Variants in ALDOC observed in about 807,000 individuals in gnomAD.
ALDOC encodes the protein fructose-bisphosphate aldolase C.
In ALDOC, 23 loss-of-function variants were observed where a neutral mutation model predicts 39.5. The observed-to-expected ratio is 0.58, with a 90% CI of 0.42 to 0.82. ALDOC has a LOEUF of 0.82. Among genes scored for constraint, ALDOC ranks in the 40% least tolerant of loss-of-function variants. The pLI is 0.00. For missense variants in ALDOC, 356 were observed against 479.1 expected (o/e 0.74, Z 2.40); for synonymous variants, 160 against 182.6 (o/e 0.88, Z 1.00).
Position 28,575,805 on chromosome 17 carries a change from G to T in ALDOC, c.-12-261C>A. ...CAGGGTGGGGGTGGGGAGGTGAGCA[G>T]CCCTGAAGCCACAGCTCTTCTGATA... On this transcript the variant is annotated intron_variant, in intron 1 of 8. Coordinates refer to ENST00000226253, the MANE Select transcript of ALDOC (RefSeq NM_005165.3). The surrounding 1 kb of genome is among the most constrained non-coding windows in gnomAD (Gnocchi z 4.3). The T allele has an allele frequency of 1.7e-6, 1 of 577,786 alleles. No homozygotes were observed. 35.8% of individuals were successfully genotyped at this position (577,786 alleles called of 1,614,324 possible).
In ALDOC at chr17:28,573,829, T is replaced by C; in HGVS notation, c.905A>G (p.Tyr302Cys). ...LPRPWALTFS[Y>C]GRALQASALN... ...TGCAGAGGCTTGCAGGGCACGCCCA[T>C]AGGAGAAGGTAAGCGCCCAGGGTCG... The change falls in exon 8 of 9, where the codon TAT becomes TGT. Residue 302 changes from tyrosine (Y) to cysteine (C), a missense_variant. Coordinates refer to ENST00000226253, the MANE Select transcript of ALDOC (RefSeq NM_005165.3). The surrounding 1 kb of genome is among the most constrained non-coding windows in gnomAD (Gnocchi z 4.3). 2 of 1,614,160 alleles carry C rather than the reference T, an allele frequency of 1.2e-6. No individual in the cohort carries two copies. The highest frequency in any genetic ancestry group is 1.7e-6 in the Non-Finnish European group (2 of 1,180,022).
Position 28,573,974 on chromosome 17 carries a change from C to T in ALDOC, c.800-40G>A. ...AGAAGACAAACTGACTGGTCACTCC[C>T]AATTTTTCCAGGATAGGGAACCCCT... On this transcript the variant is annotated intron_variant, in intron 7 of 8. Coordinates refer to ENST00000226253, the MANE Select transcript of ALDOC (RefSeq NM_005165.3). This position sits in a 1 kb window ranked among gnomAD's most constrained non-coding sequence, Gnocchi z 4.3. The T allele has an allele frequency of 4.3e-6, 7 of 1,612,618 alleles. No individual in the cohort carries two copies. The highest frequency in any genetic ancestry group is 5.9e-6 in the Non-Finnish European group (7 of 1,178,958).
chr17:28,573,881 T>C lies in ALDOC; in HGVS notation c.853A>G (p.Asn285Asp), dbSNP rs2070456265. The C allele has an allele frequency of 1.9e-6, 3 of 1,614,068 alleles. No individual in the cohort carries two copies. Among genetic ancestry groups the C allele is most frequent in the Non-Finnish European group, 2.5e-6 (3 of 1,180,024 alleles). ...QSEEEASFNL[N>D]AINRCPLPRP... is the part of the protein sequence containing the mutation. ...GGAAGGGGGCAGCGGTTGATGGCAT[T>C]GAGGTTGAATGATGCCTCTTCTTCG... is the stretch of plus-strand genomic sequence containing the variant. The change falls in exon 8 of 9, where the codon AAT becomes GAT. Residue 285 changes from asparagine to aspartate, a missense_variant. Asn to Asp is a conservative substitution (Grantham distance 23, BLOSUM62 1). Transcript: ENST00000226253. This position sits in a 1 kb window ranked among gnomAD's most constrained non-coding sequence, Gnocchi z 4.3.
chr17:28,575,199 G>T lies in ALDOC; in HGVS notation c.248C>A (p.Thr83Asn). ...ACCATTATCATCTTTCTGGTAGAGG[G>T]TCTCATGGAAGAAAATGACGCCTCC... The part of the protein sequence containing the change: ...CIGGVIFFHE[T>N]LYQKDDNGVP... The change falls in exon 3 of 9, where the codon ACC (threonine) becomes AAC (asparagine). Residue 83 changes from threonine (T) to asparagine (N), a missense_variant. Coordinates refer to ENST00000226253, the MANE Select transcript of ALDOC (RefSeq NM_005165.3). This position sits in a 1 kb window ranked among gnomAD's most constrained non-coding sequence, Gnocchi z 4.3. 6.2e-7 allele frequency: 1 copy of T among 1,614,138 alleles called. No individual in the cohort carries two copies. Among genetic ancestry groups the T allele is most frequent in the South Asian group, 1.1e-5 (1 of 91,084 alleles).
Position 28,573,823 on chromosome 17 carries a change from C to T in ALDOC, c.911G>A (p.Arg304His), listed in dbSNP as rs1441393520. 1.3e-5 allele frequency: 21 copies of T among 1,614,122 alleles called. No homozygotes were observed. Among genetic ancestry groups the T allele is most frequent in the East Asian group, 4.5e-5 (2 of 44,900 alleles). Reference protein sequence around the residue: ...RPWALTFSYGRALQASALNAW... With the variant: ...RPWALTFSYGHALQASALNAW... The stretch of plus-strand genomic sequence containing the variant: ...ATTGAGTGCAGAGGCTTGCAGGGCA[C>T]GCCCATAGGAGAAGGTAAGCGCCCA... Residue 304 changes from arginine (R) to histidine (H), a missense_variant, in exon 8 of 9, where the codon CGT becomes CAT. Arg to His is a conservative substitution (Grantham distance 29). Transcript: ENST00000226253. The surrounding 1 kb of genome is among the most constrained non-coding windows in gnomAD (Gnocchi z 4.3).
chr17:28,575,490 CCTT>C lies in ALDOC; in HGVS notation c.40_42del (p.Lys14del), dbSNP rs745443782. ...ATCCGCAGGGCAATGTCAGACAACTCCTTCTTCTGCTCAGCAGAAAGGGCTGGG... is the reference window on the plus strand; with the variant it reads ...ATCCGCAGGGCAATGTCAGACAACTCCTTCTGCTCAGCAGAAAGGGCTGGG... On this transcript the variant is annotated inframe_deletion, in exon 2 of 9. Coordinates refer to ENST00000226253, the MANE Select transcript of ALDOC (RefSeq NM_005165.3). The surrounding 1 kb of genome is among the most constrained non-coding windows in gnomAD (Gnocchi z 4.3). 52 of 1,614,078 alleles carry C rather than the reference CCTT, an allele frequency of 3.2e-5. No individual in the cohort carries two copies. The highest frequency in any genetic ancestry group is 3.1e-5 in the Non-Finnish European group (36 of 1,180,048).
At position 28,574,815 on chromosome 17, in the gene ALDOC, CCTT is replaced by C; in HGVS notation, c.418_420del (p.Lys140del). The C allele has an allele frequency of 6.2e-7, 1 of 1,614,232 alleles. No individual in the cohort carries two copies. The highest frequency in any genetic ancestry group is 2.2e-5 in the East Asian group (1 of 44,892). Reference sequence around the variant, plus strand: ...CGCCACTTGGCAAAGTCAGCACCATCCTTCTTGTATTGGGCACAGCGTTCTGAG... The same window carrying C: ...CGCCACTTGGCAAAGTCAGCACCATCCTTGTATTGGGCACAGCGTTCTGAG... On this transcript the variant is annotated inframe_deletion, in exon 5 of 9. Transcript: ENST00000226253.
In ALDOC at chr17:28,574,235, C is replaced by T. The variant is rs746800381; in HGVS notation, c.631G>A (p.Ala211Thr). The T allele has an allele frequency of 1.3e-6, 2 of 1,586,058 alleles. No homozygotes were observed. The highest frequency in any genetic ancestry group is 1.2e-5 in the South Asian group (1 of 86,132). ...RCQYVTEKVL[A>T]AVYKALSDHH... ...TCACTCAGGGCCTTGTACACAGCAG[C>T]CAAGACCTGGGTGGGGATTAGAGGA... Residue 211 changes from alanine to threonine, a missense_variant, in exon 7 of 9, where the codon GCT (alanine) becomes ACT (threonine). Coordinates refer to ENST00000226253, the MANE Select transcript of ALDOC (RefSeq NM_005165.3).
Position 28,573,454 on chromosome 17 carries a change from G to T in ALDOC, c.*72C>A. On this transcript the variant is annotated 3_prime_UTR_variant, in exon 9 of 9. Coordinates refer to ENST00000226253, the MANE Select transcript of ALDOC (RefSeq NM_005165.3). The surrounding 1 kb of genome is among the most constrained non-coding windows in gnomAD (Gnocchi z 4.3). ...GCATCTCTGCTCTGCATAGCTATTT[G>T]GCCCTGGCCATGACTACAAGCAAAA... The T allele has an allele frequency of 7.3e-7, 1 of 1,368,758 alleles. No individual in the cohort carries two copies. Among genetic ancestry groups the T allele is most frequent in the Non-Finnish European group, 1.0e-6 (1 of 957,036 alleles). The allele number at this position is 1,368,758 out of a possible 1,614,324, so 84.8% of individuals were successfully genotyped here. A position where few individuals can be genotyped will look rare whatever the true frequency, so the allele number is the denominator to read the frequency against.
chr17:28,574,509 C>T lies in ALDOC; in HGVS notation c.609G>A (p.Gln203=), dbSNP rs924455122. Residue 203 remains glutamine (Q), a synonymous_variant, in exon 6 of 9, where the codon CAG becomes CAA. Coordinates refer to ENST00000226253, the MANE Select transcript of ALDOC (RefSeq NM_005165.3). ...GTGGACTCACCTTCTCTGTAACATA[C>T]TGACAACGTTTGAGGTCGTGGTCTC... ...PDGDHDLKRC[Q]YVTEKVLAAV... 1 of 1,614,150 alleles carries T rather than the reference C, an allele frequency of 6.2e-7. No homozygotes were observed. The highest frequency in any genetic ancestry group is 8.5e-7 in the Non-Finnish European group (1 of 1,180,014).
At position 28,574,718 on chromosome 17, in the gene ALDOC, C is replaced by T. The variant is rs148239543; in HGVS notation, c.518G>A (p.Arg173His). The T allele has an allele frequency of 3.2e-5, 52 of 1,614,056 alleles. No individual in the cohort carries two copies. Among genetic ancestry groups the T allele is most frequent in the South Asian group, 5.5e-5 (5 of 91,090 alleles). The change falls in exon 5 of 9, where the codon CGT (arginine) becomes CAT (histidine). Residue 173 changes from arginine to histidine, a missense_variant. Physicochemically the swap from Arg to His is conservative, Grantham distance 29. Coordinates refer to ENST00000226253, the MANE Select transcript of ALDOC (RefSeq NM_005165.3). Reference sequence around the variant, plus strand: ...CACCTGCTGGCAGATACTGGCATAACGGGCCAGCACGTTGGCGTTCTCCAG... The same window carrying T: ...CACCTGCTGGCAGATACTGGCATAATGGGCCAGCACGTTGGCGTTCTCCAG... ...AILENANVLA[R>H]YASICQQNGI...
chr17:28,576,193 A>G (rs1373572034), intron 1 of ALDOC: 1 of 162,702 alleles, frequency 6.1e-6, no homozygotes, highest in Non-Finnish European at 1.3e-5. Flanking sequence ...TGTAGGAAAG[A>G]GGGCCCAGCG....
Position 28,573,419 on chromosome 17 carries a change from C to T in ALDOC, c.*107G>A. ...AGAGAGAAAGGAAGACAAGTTGGTGCCAGGTGAAGGCATCTCTGCTCTGCA... is the reference window on the plus strand; with the variant it reads ...AGAGAGAAAGGAAGACAAGTTGGTGTCAGGTGAAGGCATCTCTGCTCTGCA... On this transcript the variant is annotated 3_prime_UTR_variant, in exon 9 of 9. Transcript: ENST00000226253. This position sits in a 1 kb window ranked among gnomAD's most constrained non-coding sequence, Gnocchi z 4.3. 1 of 967,602 alleles carries T rather than the reference C, an allele frequency of 1.0e-6. No individual in the cohort carries two copies. Among genetic ancestry groups the T allele is most frequent in the Non-Finnish European group, 1.7e-6 (1 of 597,044 alleles). The allele number at this position is 967,602 out of a possible 1,614,324, so 59.9% of individuals were successfully genotyped here.
In ALDOC at chr17:28,575,021, C is replaced by A; in HGVS notation, c.325-15G>T. ...CCCTTGTCAACCTGTAGAGGAAGTACAAGCAGAGGGTTGAATCCAGGCAGG... is the reference window on the plus strand; with the variant it reads ...CCCTTGTCAACCTGTAGAGGAAGTAAAAGCAGAGGGTTGAATCCAGGCAGG... On this transcript the variant is annotated splice_polypyrimidine_tract_variant and intron_variant, in intron 3 of 8. Coordinates refer to ENST00000226253, the MANE Select transcript of ALDOC (RefSeq NM_005165.3). The surrounding 1 kb of genome is among the most constrained non-coding windows in gnomAD (Gnocchi z 4.3). 6.2e-7 allele frequency: 1 copy of A among 1,614,228 alleles called. No individual in the cohort carries two copies. The highest frequency in any genetic ancestry group is 8.5e-7 in the Non-Finnish European group (1 of 1,180,040).
In ALDOC at chr17:28,573,508, G is replaced by C; in HGVS notation, c.*18C>G. 6.2e-7 allele frequency: 1 copy of C among 1,612,100 alleles called. No homozygotes were observed. The highest frequency in any genetic ancestry group is 8.5e-7 in the Non-Finnish European group (1 of 1,178,160). On this transcript the variant is annotated 3_prime_UTR_variant, in exon 9 of 9. Transcript: ENST00000226253. The surrounding 1 kb of genome is among the most constrained non-coding windows in gnomAD (Gnocchi z 4.3). ...GGTGCAGATGGCTGGGCCAAGGGCT[G>C]TGGTATGGAGTGGATACTCAGTAGG...
Position 28,575,388 on chromosome 17 carries a change from C to T in ALDOC, c.112+33G>A, listed in dbSNP as rs778725408. 7.4e-5 allele frequency: 119 copies of T among 1,614,114 alleles called. No individual in the cohort carries two copies. The highest frequency in any genetic ancestry group is 9.8e-5 in the Non-Finnish European group (116 of 1,180,038). Reference sequence around the variant, plus strand: ...AACATCCCCAGGGTCCCCTAGCCACCTGTACCCTACCTGGCTACAGATGTC... The same window carrying T: ...AACATCCCCAGGGTCCCCTAGCCACTTGTACCCTACCTGGCTACAGATGTC... On this transcript the variant is annotated intron_variant, in intron 2 of 8. Transcript: ENST00000226253. This position sits in a 1 kb window ranked among gnomAD's most constrained non-coding sequence, Gnocchi z 4.3.
chr17:28,575,243 G>C lies in ALDOC; in HGVS notation c.204C>G (p.Asp68Glu). Residue 68 changes from aspartate (D) to glutamate (E), a missense_variant, in exon 3 of 9, where the codon GAC (aspartate) becomes GAG (glutamate). Coordinates refer to ENST00000226253, the MANE Select transcript of ALDOC (RefSeq NM_005165.3). The surrounding 1 kb of genome is among the most constrained non-coding windows in gnomAD (Gnocchi z 4.3). ...LYRQVLFSAD[D>E]RVKKCIGGVI... is the part of the protein sequence containing the mutation. ...CGCCTCCAATGCACTTTTTCACACGGTCATCAGCACTGAACAGGACCTGGC... is the reference window on the plus strand; with the variant it reads ...CGCCTCCAATGCACTTTTTCACACGCTCATCAGCACTGAACAGGACCTGGC... 6.2e-7 allele frequency: 1 copy of C among 1,614,150 alleles called. No homozygotes were observed. Among genetic ancestry groups the C allele is most frequent in the Non-Finnish European group, 8.5e-7 (1 of 1,180,042 alleles).
Position 28,575,638 on chromosome 17 carries a change from T to C in ALDOC, c.-12-94A>G, listed in dbSNP as rs923257283. On this transcript the variant is annotated intron_variant, in intron 1 of 8. Coordinates refer to ENST00000226253, the MANE Select transcript of ALDOC (RefSeq NM_005165.3). The surrounding 1 kb of genome is among the most constrained non-coding windows in gnomAD (Gnocchi z 4.3). ...ATGGCCTCCCCATCAAGCAAGGGGC[T>C]GGGAACAGGGCAGCAGTCCTTGGCA... 1.2e-5 allele frequency: 17 copies of C among 1,462,974 alleles called. No homozygotes were observed. The highest frequency in any genetic ancestry group is 2.8e-5 in the African/African-American group (2 of 71,270). The allele number at this position is 1,462,974 out of a possible 1,614,324, so 90.6% of individuals were successfully genotyped here.
Position 28,575,535 on chromosome 17 carries a change from T to C in ALDOC, c.-3A>G, listed in dbSNP as rs763379686. On this transcript the variant is annotated 5_prime_UTR_variant, in exon 2 of 9. Coordinates refer to ENST00000226253, the MANE Select transcript of ALDOC (RefSeq NM_005165.3). This position sits in a 1 kb window ranked among gnomAD's most constrained non-coding sequence, Gnocchi z 4.3. ...AGGGCTGGGTACGAGTGAGGCATGGTGACAGCTCCCTGGAGTGGAGACAAG... is the reference window on the plus strand; with the variant it reads ...AGGGCTGGGTACGAGTGAGGCATGGCGACAGCTCCCTGGAGTGGAGACAAG... The C allele has an allele frequency of 6.2e-7, 1 of 1,613,992 alleles. No homozygotes were observed. The highest frequency in any genetic ancestry group is 8.5e-7 in the Non-Finnish European group (1 of 1,179,986).
Sources: allele counts gnomAD v4.1 joint callset, GRCh38; gene constraint gnomAD v4.1.1; non-coding constraint Gnocchi (gnomAD v3.1); transcripts MANE v1.5; gene names NCBI Gene and HGNC (gene_info 2026-07-23, HGNC 2026-07-21).